The following WDR86 variants were observed in gnomAD, a reference collection of about 807,000 sequenced individuals.
WDR86 encodes the protein WD repeat-containing protein 86.
Under a neutral mutation model 36.5 loss-of-function variants are expected in WDR86, and 30 were observed. The ratio of observed to expected loss-of-function variants is 0.82; its 90% confidence interval spans 0.61 to 1.11. WDR86 has a LOEUF of 1.11. WDR86 is among the 50% of genes most tolerant of loss of function. The pLI, the probability that WDR86 is intolerant of heterozygous loss-of-function variation, is 0.00. For synonymous variants in WDR86, 255 were observed against 252.9 expected (o/e 1.01, Z -0.08); for missense variants, 545 against 561.2 (o/e 0.97, Z 0.29).
Position 151,409,236 on chromosome 7 carries a change from A to C in WDR86, c.163+191T>G. 10 of 783,092 alleles carry C rather than the reference A, an allele frequency of 1.3e-5. No homozygotes were observed. The highest frequency in any genetic ancestry group is 8.7e-5 in the East Asian group (2 of 22,862). The allele number at this position is 783,092 out of a possible 1,614,324, so 48.5% of individuals were successfully genotyped here. On this transcript the variant is annotated intron_variant, in intron 1 of 5. Transcript: ENST00000334493. This position sits in a 1 kb window ranked among gnomAD's most constrained non-coding sequence, Gnocchi z 5.2. Reference sequence around the variant, plus strand: ...TGCTCTGCACCCGCACCCCACCCCCAGACCTCACCCTGCCCTGCCGTGCGC... The same window carrying C: ...TGCTCTGCACCCGCACCCCACCCCCCGACCTCACCCTGCCCTGCCGTGCGC...
chr7:151,405,747 T>TG lies in WDR86; in HGVS notation c.163+3679dup, dbSNP rs1800660929. The stretch of plus-strand genomic sequence containing the variant: ...GCAGGCCTCCTTCAGCCCAGTCTTC[T>TG]GGGCCACTGCTCTCCCGCCAGGCTT... On this transcript the variant is annotated intron_variant, in intron 1 of 5. Coordinates refer to ENST00000334493, the MANE Select transcript of WDR86 (RefSeq NM_198285.3). This position sits in a 1 kb window ranked among gnomAD's most constrained non-coding sequence, Gnocchi z 4.7. Among the ~76,000 whole-genome samples, 1 of 152,188 alleles carries TG rather than the reference T, an allele frequency of 6.6e-6. No individual in the cohort carries two copies. Among genetic ancestry groups the TG allele is most frequent in the South Asian group, 2.1e-4 (1 of 4,818 alleles).
In WDR86 at chr7:151,409,821, C is replaced by T; in HGVS notation, c.-232G>A. ...CTGCGGGGGGCGGCCCACTCGGGAC[C>T]TCCGCCCTGGGTAGAGTCCTGGGCG... On this transcript the variant is annotated 5_prime_UTR_variant, in exon 1 of 6. Transcript: ENST00000334493. The surrounding 1 kb of genome is among the most constrained non-coding windows in gnomAD (Gnocchi z 5.2). 8.0e-7 allele frequency: 1 copy of T among 1,256,704 alleles called. No homozygotes were observed. The highest frequency in any genetic ancestry group is 1.0e-6 in the Non-Finnish European group (1 of 1,003,806). 77.8% of individuals were successfully genotyped at this position (1,256,704 alleles called of 1,614,324 possible). A position where few individuals can be genotyped will look rare whatever the true frequency, so the allele number is the denominator to read the frequency against.
At chr7:151,374,435 C>T (rs1244421530), downstream of WDR86, 1 of 721,742 alleles carries the variant, frequency 1.4e-6, no homozygotes, top group Non-Finnish European at 2.3e-6. Flanking sequence ...GCCCCATGCT[C>T]AGTGCTTGGC....
chr7:151,374,038 TGA>T, downstream of WDR86: 2 of 1,505,574 alleles, frequency 1.3e-6, no homozygotes, highest in Admixed American at 2.2e-5. Context: ...GAGCGCAGAC[TGA>T]GAGGCTGTGA....
Position 151,409,692 on chromosome 7 carries a change from C to T in WDR86, c.-103G>A. 7.7e-7 allele frequency: 1 copy of T among 1,291,456 alleles called. No individual in the cohort carries two copies. The highest frequency in any genetic ancestry group is 9.8e-7 in the Non-Finnish European group (1 of 1,022,918). The allele number at this position is 1,291,456 out of a possible 1,614,324, so 80.0% of individuals were successfully genotyped here. ...GTACGACTGCGGCCCGCGGCCATCG[C>T]GGGGAACGGGGAGCCCGACTCCTGC... On this transcript the variant is annotated 5_prime_UTR_variant, in exon 1 of 6. Coordinates refer to ENST00000334493, the MANE Select transcript of WDR86 (RefSeq NM_198285.3). This position sits in a 1 kb window ranked among gnomAD's most constrained non-coding sequence, Gnocchi z 5.2.
At chr7:151,387,062 C>T (rs1799038625) in intron 3 of WDR86, among the ~76,000 whole-genome samples, 3 of 152,246 alleles carry the variant, frequency 2.0e-5, no homozygotes, top group Non-Finnish European at 2.9e-5. Flanking sequence ...CTCCCCAACA[C>T]ATGGTCAGCT....
chr7:151,406,226 G>A lies in WDR86; in HGVS notation c.163+3201C>T, dbSNP rs1315927253. Among the ~76,000 whole-genome samples, 2 of 152,090 alleles carry A rather than the reference G, an allele frequency of 1.3e-5. No homozygotes were observed. The highest frequency in any genetic ancestry group is 4.8e-5 in the African/African-American group (2 of 41,410). ...GCAGCCCACTCTCCCTGGGGCCTCCGGGAGCAGCACCTCACCCACCAACCC... is the reference window on the plus strand; with the variant it reads ...GCAGCCCACTCTCCCTGGGGCCTCCAGGAGCAGCACCTCACCCACCAACCC... On this transcript the variant is annotated intron_variant, in intron 1 of 5. Coordinates refer to ENST00000334493, the MANE Select transcript of WDR86 (RefSeq NM_198285.3). This position sits in a 1 kb window ranked among gnomAD's most constrained non-coding sequence, Gnocchi z 4.4.
rs1013760481 is a variant in WDR86, at chr7:151,381,806, C to T, written c.967-60G>A. On this transcript the variant is annotated intron_variant, in intron 5 of 5. Coordinates refer to ENST00000334493, the MANE Select transcript of WDR86 (RefSeq NM_198285.3). The surrounding 1 kb of genome is among the most constrained non-coding windows in gnomAD (Gnocchi z 4.8). ...GGTAGGCGGGGGGGACACCGCTGCCCGCGTGGATGGATCGGGGCGGGGCAC... is the reference window on the plus strand; with the variant it reads ...GGTAGGCGGGGGGGACACCGCTGCCTGCGTGGATGGATCGGGGCGGGGCAC... 9.2e-6 allele frequency: 14 copies of T among 1,525,570 alleles called. No homozygotes were observed. The highest frequency in any genetic ancestry group is 1.2e-5 in the Non-Finnish European group (14 of 1,133,672). The allele number at this position is 1,525,570 out of a possible 1,614,324, so 94.5% of individuals were successfully genotyped here.
chr7:151,389,913 T>G (rs1006757527), intron 3 of WDR86, among the ~76,000 whole-genome samples: 10 of 152,170 alleles, frequency 6.6e-5, no homozygotes, highest in Admixed American at 5.2e-4. Flanking sequence ...GTTTCTGGGT[T>G]GGGGTGGAGA....
downstream of WDR86, chr7:151,377,797 C>A (rs564907929): frequency 6.6e-6 from 1 of 152,372 alleles, no homozygotes; most frequent in East Asian, 1.9e-4. Context: ...CAGGTCGCAG[C>A]AAATGGCTTC....
At chr7:151,375,066 C>G (rs1798151853), downstream of WDR86, among the ~76,000 whole-genome samples, 1 of 151,692 alleles carries the variant, frequency 6.6e-6, no homozygotes, top group South Asian at 2.1e-4. Flanking sequence ...GGGTGCAGGG[C>G]AGGTGTCCTC....
At chr7:151,374,090 C>T, downstream of WDR86, 1 of 1,551,386 alleles carries the variant, frequency 6.4e-7, no homozygotes, top group Admixed American at 2.0e-5. Context: ...TTGCTGTTTT[C>T]CTAAAGGAAC....
chr7:151,400,497 T>G (rs1448712926), intron 1 of WDR86, among the ~76,000 whole-genome samples: 1 of 152,212 alleles, frequency 6.6e-6, no homozygotes, highest in Non-Finnish European at 1.5e-5. Context: ...TTCTCCTGCC[T>G]CAGCCTCCTG....
Position 151,400,170 on chromosome 7 carries a change from T to C in WDR86, c.235A>G (p.Ile79Val), listed in dbSNP as rs764344200. 2.5e-6 allele frequency: 4 copies of C among 1,612,474 alleles called. No homozygotes were observed. The South Asian group carries it at 4.4e-5, about 18-fold the overall frequency. Reference protein sequence around the residue: ...AAFTCSADCTIRRWDVLTGQC... With the variant: ...AAFTCSADCTVRRWDVLTGQC... Reference sequence around the variant, plus strand: ...CCGGTCAGCACGTCCCACCTCCTGATGGTGCAGTCGGCGCTGCATGTGAAG... The same window carrying C: ...CCGGTCAGCACGTCCCACCTCCTGACGGTGCAGTCGGCGCTGCATGTGAAG... The change falls in exon 2 of 6, where the codon ATC becomes GTC. Residue 79 changes from isoleucine to valine, a missense_variant. Ile to Val is a conservative substitution (Grantham distance 29, BLOSUM62 3). Coordinates refer to ENST00000334493, the MANE Select transcript of WDR86 (RefSeq NM_198285.3).
At chr7:151,378,750 C>G (rs1798427963), downstream of WDR86, among the ~76,000 whole-genome samples, 1 of 152,250 alleles carries the variant, frequency 6.6e-6, no homozygotes, top group Non-Finnish European at 1.5e-5. Context: ...CAATGCCACA[C>G]TTGGATTTGG....
At chr7:151,374,260 G>A (rs1318905414), downstream of WDR86, 2 of 1,551,034 alleles carry the variant, frequency 1.3e-6, no homozygotes, top group Non-Finnish European at 1.7e-6. Context: ...GCTCCCTCGG[G>A]GCCTCTGGCC....
At chr7:151,383,178 TGG>T (rs61487114) in intron 4 of WDR86, among the ~76,000 whole-genome samples, 1 of 58,466 alleles carries the variant, frequency 1.7e-5, no homozygotes, top group African/African-American at 4.6e-5. Context: ...GGCGGCGGGG[TGG>T]GGGGGGGGAG....
intron 3 of WDR86, among the ~76,000 whole-genome samples, chr7:151,395,278 C>T (rs962821700): frequency 7.9e-5 from 12 of 152,242 alleles, no homozygotes; most frequent in African/African-American, 1.4e-4. Context: ...AGGCAGGCTC[C>T]GCCCCAGCTC....
In WDR86 at chr7:151,405,118, A is replaced by G. The variant is rs1239527283; in HGVS notation, c.163+4309T>C. On this transcript the variant is annotated intron_variant, in intron 1 of 5. Transcript: ENST00000334493. The surrounding 1 kb of genome is among the most constrained non-coding windows in gnomAD (Gnocchi z 4.7). ...GGACTGAGCCTTCCTCTGCTCCCCAATCCCCCTCTTTTCCACCCTGCCACC... is the reference window on the plus strand; with the variant it reads ...GGACTGAGCCTTCCTCTGCTCCCCAGTCCCCCTCTTTTCCACCCTGCCACC... Among the ~76,000 whole-genome samples, 1 of 151,768 alleles carries G rather than the reference A, an allele frequency of 6.6e-6. No homozygotes were observed. The highest frequency in any genetic ancestry group is 1.5e-5 in the Non-Finnish European group (1 of 67,926).
Sources: allele counts gnomAD v4.1 joint callset (sites outside exome capture counted in the v4.1 genomes callset), GRCh38; gene constraint gnomAD v4.1.1; non-coding constraint Gnocchi (gnomAD v3.1); transcripts MANE v1.5; gene names NCBI Gene and HGNC (gene_info 2026-07-23, HGNC 2026-07-21).